PDE3B: variants seen among roughly 807,000 people sequenced by gnomAD.
The protein encoded by PDE3B is phosphodiesterase 3B.
A neutral mutation model predicts 116.8 loss-of-function variants in PDE3B; 66 were observed. The ratio of observed to expected loss-of-function variants is 0.56; its 90% confidence interval spans 0.46 to 0.69. The LOEUF (loss-of-function observed/expected upper bound fraction) is 0.69. PDE3B is among the 30% of genes least tolerant of loss of function. The pLI is 0.00. For synonymous variants in PDE3B, 595 were observed against 533.6 expected, an observed-to-expected ratio of 1.12 and a Z score of -1.59; for missense variants, 1,384 against 1,368.1, an observed-to-expected ratio of 1.01 and a Z score of -0.18.
Position 14,830,779 on chromosome 11 carries a change from G to A in PDE3B, c.1889G>A (p.Ser630Asn), listed in dbSNP as rs1474583970. 3 of 1,542,820 alleles carry A rather than the reference G, an allele frequency of 1.9e-6. No individual in the cohort carries two copies. The highest frequency in any genetic ancestry group is 2.6e-6 in the Non-Finnish European group (3 of 1,150,070). Reference protein sequence around the residue: ...QQEEETEKKDSRKLFQEGDKW... With the variant: ...QQEEETEKKDNRKLFQEGDKW... Reference sequence around the variant, plus strand: ...GAAGAGGAAACAGAGAAGAAAGACAGCAGAAAATTATTTCAGGAAGGTGAT... The same window carrying A: ...GAAGAGGAAACAGAGAAGAAAGACAACAGAAAATTATTTCAGGAAGGTGAT... The change falls in exon 8 of 16, where the codon AGC becomes AAC. Residue 630 changes from serine to asparagine, a missense_variant. Physicochemically the swap from Ser to Asn is conservative, Grantham distance 46. Transcript: ENST00000282096.
At chr11:14,762,198 G>A (rs1226256988) in intron 1 of PDE3B, among the ~76,000 whole-genome samples, 1 of 151,190 alleles carries the variant, frequency 6.6e-6, no homozygotes, top group Admixed American at 6.6e-5. Context: ...TGCCCAGGCT[G>A]GTTTTGAACT....
At chr11:14,696,903 T>C (rs1464344610) in intron 1 of PDE3B, among the ~76,000 whole-genome samples, 12 of 152,120 alleles carry the variant, frequency 7.9e-5, no homozygotes, top group Admixed American at 7.9e-4. Context: ...ACAAAGATAT[T>C]GTCCTACATT....
chr11:14,702,765 T>C (rs1590073188), intron 1 of PDE3B, among the ~76,000 whole-genome samples: 1 of 151,906 alleles, frequency 6.6e-6, no homozygotes, highest in East Asian at 1.9e-4. Context: ...TCCAATTCAG[T>C]CCAGTCCAGT....
At chr11:14,789,591 C>A (rs2133919478) in intron 4 of PDE3B, among the ~76,000 whole-genome samples, 1 of 152,020 alleles carries the variant, frequency 6.6e-6, no homozygotes, top group Middle Eastern at 3.4e-3. Flanking sequence ...GAATAGTATC[C>A]AAAGGTAGGT....
intron 1 of PDE3B, among the ~76,000 whole-genome samples, chr11:14,725,202 A>G (rs1590092586): frequency 6.6e-6 from 1 of 152,280 alleles, no homozygotes; most frequent in East Asian, 1.9e-4. Context: ...AAATAGCACC[A>G]CCATTCACCC....
chr11:14,890,820 T>G, the PDE3B span: 12 of 972,424 alleles, frequency 1.2e-5, no homozygotes, highest in Non-Finnish European at 1.3e-5. Flanking sequence ...AGTGCTGGGA[T>G]TATAGGCGTG....
chr11:14,819,157 A>C lies in PDE3B; in HGVS notation c.1755A>C (p.Lys585Asn). ...LCNSCGHQML[K>N]YVSTSESDGT... ...TAAGCTGTGGACATCAAATGCTGAAATATGTTTCAACATCTGAATCAGATG... is the reference window on the plus strand; with the variant it reads ...TAAGCTGTGGACATCAAATGCTGAACTATGTTTCAACATCTGAATCAGATG... Residue 585 changes from lysine to asparagine, a missense_variant, in exon 7 of 16, where the codon AAA becomes AAC. Transcript: ENST00000282096. 6.3e-7 allele frequency: 1 copy of C among 1,596,874 alleles called. No individual in the cohort carries two copies. The highest frequency in any genetic ancestry group is 8.6e-7 in the Non-Finnish European group (1 of 1,168,060).
At position 14,818,275 on chromosome 11, in the gene PDE3B, G is replaced by A; in HGVS notation, c.1615G>A (p.Asp539Asn). The A allele has an allele frequency of 6.2e-7, 1 of 1,613,274 alleles. No homozygotes were observed. Among genetic ancestry groups the A allele is most frequent in the Middle Eastern group, 1.7e-4 (1 of 6,060 alleles). Reference sequence around the variant, plus strand: ...TAATCGATCACCCATAGAATTTCCTGATACTGCTGATTTTCTTAATAAGCC... The same window carrying A: ...TAATCGATCACCCATAGAATTTCCTAATACTGCTGATTTTCTTAATAAGCC... ...LTNRSPIEFPDTADFLNKPSV... is the reference protein window; with the variant it reads ...LTNRSPIEFPNTADFLNKPSV... Residue 539 changes from aspartate to asparagine, a missense_variant, in exon 6 of 16, where the codon GAT (aspartate) becomes AAT (asparagine). Around this residue, in one of 2 missense-constraint regions of PDE3B, gnomAD observed 956 missense variants for 806.8 expected, o/e 1.18. Transcript: ENST00000282096.
At chr11:14,769,368 T>C (rs568006801) in intron 1 of PDE3B, among the ~76,000 whole-genome samples, 3 of 151,292 alleles carry the variant, frequency 2.0e-5, no homozygotes, top group Non-Finnish European at 4.4e-5. Flanking sequence ...AGAAGCATTG[T>C]ACATAGTAAG....
chr11:14,658,176 T>C (rs1853772857), intron 1 of PDE3B, among the ~76,000 whole-genome samples: 1 of 152,116 alleles, frequency 6.6e-6, no homozygotes, highest in African/African-American at 2.4e-5. Flanking sequence ...GTCACTATCC[T>C]CCTTCTAGGG....
At chr11:14,811,488 G>A (rs945823565) in intron 5 of PDE3B, among the ~76,000 whole-genome samples, 8 of 151,904 alleles carry the variant, frequency 5.3e-5, no homozygotes, top group African/African-American at 1.9e-4. Context: ...GATATGCGGC[G>A]TGATTTCTGA....
Position 14,678,744 on chromosome 11 carries a change from C to T in PDE3B, c.978+33691C>T, listed in dbSNP as rs187985581. 7.9e-5 allele frequency among the ~76,000 whole-genome samples: 12 copies of T among 152,068 alleles called. No homozygotes were observed. In the East Asian group the frequency reaches 1.3e-3, roughly 17 times the overall value. On this transcript the variant is annotated intron_variant, in intron 1 of 15. Transcript: ENST00000282096. ...CTATGAACAATGTCTTTCAGAGAACCGAAGATTTTAATTGTAATGAAGTTC... is the reference window on the plus strand; with the variant it reads ...CTATGAACAATGTCTTTCAGAGAACTGAAGATTTTAATTGTAATGAAGTTC...
chr11:14,818,338 A>G lies in PDE3B; in HGVS notation c.1678A>G (p.Asn560Asp), dbSNP rs145221941. 38 of 1,613,452 alleles carry G rather than the reference A, an allele frequency of 2.4e-5. No individual in the cohort carries two copies. In the African/African-American group the frequency reaches 3.6e-4, roughly 15 times the overall value. ...GCAGAGATCTCTGGGCAATGCACCTAATACTCCAGATTTTTATCAGCAACT... is the reference window on the plus strand; with the variant it reads ...GCAGAGATCTCTGGGCAATGCACCTGATACTCCAGATTTTTATCAGCAACT... The part of the protein sequence containing the change: ...ILQRSLGNAP[N>D]TPDFYQQLRN... Residue 560 changes from asparagine to aspartate, a missense_variant, in exon 6 of 16, where the codon AAT becomes GAT. By Grantham distance (23) the Asn-to-Asp change is conservative. Coordinates refer to ENST00000282096, the MANE Select transcript of PDE3B (RefSeq NM_000922.4).
At chr11:14,692,068 G>A (rs950332260) in intron 1 of PDE3B, among the ~76,000 whole-genome samples, 2 of 152,026 alleles carry the variant, frequency 1.3e-5, no homozygotes, top group Non-Finnish European at 2.9e-5. Context: ...AGGAGTTTGA[G>A]ACCAGCCTGG....
intron 1 of PDE3B, among the ~76,000 whole-genome samples, chr11:14,701,726 TC>T (rs1467338325): frequency 1.3e-5 from 2 of 151,776 alleles, no homozygotes; most frequent in African/African-American, 2.4e-5. Context: ...GAATTTAAAA[TC>T]TATTTTTGGT....
At chr11:14,888,189 C>G in the PDE3B span, among the ~76,000 whole-genome samples, 56 of 152,270 alleles carry the variant, frequency 3.7e-4, no homozygotes, top group African/African-American at 1.3e-3. Context: ...ACTCTGTACT[C>G]TTTGAATATA....
intron 5 of PDE3B, among the ~76,000 whole-genome samples, chr11:14,812,891 G>C (rs1401237018): frequency 2.0e-5 from 3 of 152,226 alleles, no homozygotes; most frequent in Non-Finnish European, 4.4e-5. Context: ...TTTGGAGCTG[G>C]GGCCTTTGGA....
intron 1 of PDE3B, among the ~76,000 whole-genome samples, chr11:14,669,364 G>C (rs1277564923): frequency 6.6e-6 from 1 of 152,112 alleles, no homozygotes. Context: ...CAGAGGGCAA[G>C]GGGGGCTTTG....
intron 1 of PDE3B, among the ~76,000 whole-genome samples, chr11:14,753,766 CACA>C (rs140207243): frequency 8.3e-4 from 127 of 152,154 alleles, no homozygotes; most frequent in African/African-American, 2.8e-3. Flanking sequence ...ATAAAATATA[CACA>C]ACAACTTAAA....
Sources: gnomAD v4.1 joint callset for allele counts (sites outside exome capture counted in the v4.1 genomes callset) on GRCh38, gnomAD v4.1.1 for gene constraint, gnomAD v4.1.1 regional missense constraint, MANE v1.5 for transcripts, NCBI Gene and HGNC (gene_info 2026-07-23, HGNC 2026-07-21) for gene names.